The following METAP2 variants were observed in gnomAD, a reference collection of about 807,000 sequenced individuals.
METAP2 encodes methionyl aminopeptidase 2, also known as methionine aminopeptidase 2.
A neutral mutation model predicts 59.4 loss-of-function variants in METAP2; 25 were observed. The observed-to-expected ratio is 0.42, with a 90% CI of 0.31 to 0.59. The LOEUF is 0.59. METAP2 is among the 20% of genes least tolerant of loss of function. The pLI, the probability that METAP2 is intolerant of heterozygous loss-of-function variation, is 0.16. For synonymous variants in METAP2, 214 were observed against 194.1 expected, an observed-to-expected ratio of 1.10 and a Z score of -0.85; for missense variants, 366 against 581.2, an observed-to-expected ratio of 0.63 and a Z score of 3.81.
At chr12:95,475,312 A>T (rs958015476) in intron 1 of METAP2, among the ~76,000 whole-genome samples, 1 of 152,154 alleles carries the variant, frequency 6.6e-6, no homozygotes, top group African/African-American at 2.4e-5. Context: ...ATGGAAGGAG[A>T]GTTGTAGCGT....
chr12:95,476,028 G>A (rs748322002), intron 1 of METAP2, 43 bp from the exon 2 acceptor site: 1 of 1,179,356 alleles, frequency 8.5e-7, no homozygotes, highest in Non-Finnish European at 1.2e-6. Context: ...TAGTGGGAAA[G>A]TGTCTGTATT....
At chr12:95,513,134 A>ACACACAC (rs1336299007) in intron 10 of METAP2, among the ~76,000 whole-genome samples, 3 of 100,046 alleles carry the variant, frequency 3.0e-5, no homozygotes, top group African/African-American at 1.1e-4. Context: ...CACACACACA[A>ACACACAC]GTGCTCTCTT....
At position 95,476,124 on chromosome 12, in the gene METAP2, AGAC is replaced by A. The variant is rs2076116352; in HGVS notation, c.206_208del (p.Arg69_Gln70delinsLys). ...AGGAGCCTCAGTGGATGAAGTAGCA[AGAC>A]AGTTGGAAAGATCAGCATTGGAAGA... On this transcript the variant is annotated inframe_deletion, in exon 2 of 11. Transcript: ENST00000323666. 3.7e-6 allele frequency: 6 copies of A among 1,612,750 alleles called. No individual in the cohort carries two copies. The highest frequency in any genetic ancestry group is 1.7e-5 in the Admixed American group (1 of 59,682).
At chr12:95,484,098 A>C (rs1340410847) in intron 3 of METAP2, among the ~76,000 whole-genome samples, 2 of 152,108 alleles carry the variant, frequency 1.3e-5, no homozygotes, top group Non-Finnish European at 2.9e-5. Context: ...ACAACATGTA[A>C]GTTTTAATCT....
At chr12:95,512,292 T>G (rs542323472) in intron 9 of METAP2, among the ~76,000 whole-genome samples, 1 of 152,218 alleles carries the variant, frequency 6.6e-6, no homozygotes, top group African/African-American at 2.4e-5. Flanking sequence ...GCTGTGAACA[T>G]AATTCATAGG....
At chr12:95,511,202 A>G (rs985780446) in intron 8 of METAP2, among the ~76,000 whole-genome samples, 4 of 152,044 alleles carry the variant, frequency 2.6e-5, no homozygotes, top group African/African-American at 4.8e-5. Flanking sequence ...TAATACTGTC[A>G]TATTAACAGT....
rs368730523 is a variant in METAP2, at chr12:95,476,099, A to G, written c.180A>G (p.Ser60=). The G allele has an allele frequency of 1.7e-5, 28 of 1,610,830 alleles. No individual in the cohort carries two copies. The highest frequency in any genetic ancestry group is 2.1e-5 in the Non-Finnish European group (25 of 1,178,636). ...AAGEQEPDKE[S]GASVDEVARQ... ...GGGAACAGGAACCTGATAAAGAATC[A>G]GGAGCCTCAGTGGATGAAGTAGCAA... Residue 60 remains serine (S), a synonymous_variant, in exon 2 of 11, where the codon TCA becomes TCG. Transcript: ENST00000323666.
In METAP2 at chr12:95,474,299, A is replaced by AAAGAAG; in HGVS notation, c.128_133dup (p.Lys43_Lys44dup). On this transcript the variant is annotated inframe_insertion, in exon 1 of 11. Coordinates refer to ENST00000323666, the MANE Select transcript of METAP2 (RefSeq NM_006838.4). ...AGGAAGCAGCCAAGAAAAAAAGACG[A>AAAGAAG]AAGAAGAAGAAGAGCAAAGGGCCTT... 6.2e-7 allele frequency: 1 copy of AAAGAAG among 1,614,164 alleles called. No homozygotes were observed. Among genetic ancestry groups the AAAGAAG allele is most frequent in the Non-Finnish European group, 8.5e-7 (1 of 1,180,010 alleles).
rs1272364415 is a variant in METAP2, at chr12:95,514,995, G to C, written c.*1091G>C. The C allele has an allele frequency of 1.3e-5, 2 of 152,626 alleles. No individual in the cohort carries two copies. The highest frequency in any genetic ancestry group is 2.9e-5 in the Non-Finnish European group (2 of 68,034). The allele number at this position is 152,626 out of a possible 1,614,324, so 9.5% of individuals were successfully genotyped here. ...TAACGATGGTAATATTAATTTGTTT[G>C]AACTGAGGCCCACTACTGATTCTTT... On this transcript the variant is annotated 3_prime_UTR_variant, in exon 11 of 11. Coordinates refer to ENST00000323666, the MANE Select transcript of METAP2 (RefSeq NM_006838.4).
chr12:95,489,687 A>G (rs1231523348), intron 4 of METAP2, among the ~76,000 whole-genome samples: 1 of 152,142 alleles, frequency 6.6e-6, no homozygotes, highest in Non-Finnish European at 1.5e-5. Context: ...TTTTGTACAA[A>G]ATTAGTCGGG....
rs368429928 is a variant in METAP2 at position 95,499,855 on chromosome 12, T to C, written c.867+3757T>C. On this transcript the variant is annotated intron_variant, in intron 7 of 10. Transcript: ENST00000323666. The stretch of plus-strand genomic sequence containing the variant: ...AGGGAAAGCAAAGACCTTCTTCACA[T>C]GGCAGCAGGAGAGAGAACTGCAAGC... Among the ~76,000 whole-genome samples the C allele has an allele frequency of 2.2e-3, 341 of 152,282 alleles. 2 individuals are homozygous for C. Among genetic ancestry groups the C allele is most frequent in the African/African-American group, 7.5e-3 (311 of 41,554 alleles).
At chr12:95,507,272 G>T (rs1017424337) in intron 8 of METAP2, among the ~76,000 whole-genome samples, 8 of 152,212 alleles carry the variant, frequency 5.3e-5, no homozygotes, top group African/African-American at 1.9e-4. Flanking sequence ...AATTTATTAA[G>T]TATTCAACAA....
At position 95,512,867 on chromosome 12, in the gene METAP2, G is replaced by C; in HGVS notation, c.1135G>C (p.Glu379Gln). The change falls in exon 10 of 11, where the codon GAA becomes CAA. Residue 379 changes from glutamate (E) to glutamine (Q), a missense_variant. Glu to Gln is a conservative substitution (Grantham distance 29). Coordinates refer to ENST00000323666, the MANE Select transcript of METAP2 (RefSeq NM_006838.4). ...TGKGVVHDDM[E>Q]CSHYMKNFDV... ...AAAAGGTGTTGTTCATGATGATATG[G>C]AATGTTCACATTACATGAAAAATTT... 1 of 1,612,828 alleles carries C rather than the reference G, an allele frequency of 6.2e-7. No homozygotes were observed. Among genetic ancestry groups the C allele is most frequent in the Non-Finnish European group, 8.5e-7 (1 of 1,179,026 alleles).
At chr12:95,488,196 A>G (rs937878264) in intron 4 of METAP2, among the ~76,000 whole-genome samples, 1 of 151,994 alleles carries the variant, frequency 6.6e-6, no homozygotes, top group Non-Finnish European at 1.5e-5. Context: ...TTATGTGTCC[A>G]TGTTTAATAC....
At chr12:95,506,296 CTTTTTT>C (rs59794359) in intron 8 of METAP2, among the ~76,000 whole-genome samples, 2 of 119,748 alleles carry the variant, frequency 1.7e-5, no homozygotes, top group African/African-American at 6.2e-5. Context: ...AATATATATG[CTTTTTT>C]TTTTTTTTTT....
In METAP2 at chr12:95,514,566, G is replaced by A. The variant is rs1015652145; in HGVS notation, c.*662G>A. 2.0e-5 allele frequency: 3 copies of A among 152,196 alleles called. No homozygotes were observed. Among genetic ancestry groups the A allele is most frequent in the Admixed American group, 6.5e-5 (1 of 15,270 alleles). The allele number at this position is 152,196 out of a possible 1,614,324, so 9.4% of individuals were successfully genotyped here. A position where few individuals can be genotyped will look rare whatever the true frequency, so the allele number is the denominator to read the frequency against. On this transcript the variant is annotated 3_prime_UTR_variant, in exon 11 of 11. Coordinates refer to ENST00000323666, the MANE Select transcript of METAP2 (RefSeq NM_006838.4). ...ATTTCACCATTCTTTGTAGGACATA[G>A]TAGTCCTTGTCTTTTTTTCTCCTGA...
chr12:95,495,489 CTTAAGT>C (rs551080701), intron 6 of METAP2, among the ~76,000 whole-genome samples: 145 of 152,210 alleles, frequency 9.5e-4, no homozygotes, highest in African/African-American at 3.2e-3. Context: ...ATTTAAAATA[CTTAAGT>C]TTATCAGCCT....
At chr12:95,492,202 T>G (rs377478992) in intron 4 of METAP2, among the ~76,000 whole-genome samples, 14 of 152,138 alleles carry the variant, frequency 9.2e-5, no homozygotes, top group South Asian at 4.2e-4. Context: ...GGTCCCACTG[T>G]GTCACCCTGG....
rs188061037 is a variant in METAP2, at chr12:95,498,088, G to A, written c.867+1990G>A. ...GCGGAGCTTGCAGTGAGCCGAGATC[G>A]CCCCACTGCACTCCAGCCTGGGCGA... On this transcript the variant is annotated intron_variant, in intron 7 of 10. Coordinates refer to ENST00000323666, the MANE Select transcript of METAP2 (RefSeq NM_006838.4). Among the ~76,000 whole-genome samples, 58 of 150,018 alleles carry A rather than the reference G, an allele frequency of 3.9e-4. 1 individual carries two copies. In the East Asian group the frequency reaches 0.01, roughly 27 times the overall value.
Sources: gnomAD v4.1 joint callset for allele counts (sites outside exome capture counted in the v4.1 genomes callset) on GRCh38, gnomAD v4.1.1 for gene constraint, MANE v1.5 for transcripts, NCBI Gene and HGNC (gene_info 2026-07-23, HGNC 2026-07-21) for gene names.